The following PPM1L variants were observed in gnomAD, a reference collection of about 807,000 sequenced individuals.
The protein encoded by PPM1L is protein phosphatase, Mg2+/Mn2+ dependent 1L.
In PPM1L, 13 loss-of-function variants were observed where a neutral mutation model predicts 31.4. The ratio of observed to expected loss-of-function variants is 0.41; its 90% CI spans 0.27 to 0.66. PPM1L has a LOEUF of 0.66. PPM1L is among the 30% of genes least tolerant of loss of function. The pLI is 0.29. For missense variants in PPM1L, 326 were observed against 453.7 expected (o/e 0.72, Z 2.56); for synonymous variants, 184 against 175.4 (o/e 1.05, Z -0.39).
At chr3:161,003,159 C>T (rs1420239812) in intron 2 of PPM1L, among the ~76,000 whole-genome samples, 1 of 151,880 alleles carries the variant, frequency 6.6e-6, no homozygotes, top group Admixed American at 6.6e-5. Flanking sequence ...AGATAGGTGG[C>T]GTTATTTCTG....
intron 1 of PPM1L, among the ~76,000 whole-genome samples, chr3:160,776,337 ATG>A: frequency 6.6e-6 from 1 of 151,872 alleles, no homozygotes; most frequent in East Asian, 1.9e-4. Context: ...GTGTGTGTGT[ATG>A]TGTGTTTACT....
At chr3:160,916,988 G>A (rs979092505) in intron 1 of PPM1L, among the ~76,000 whole-genome samples, 3 of 152,254 alleles carry the variant, frequency 2.0e-5, no homozygotes, top group African/African-American at 7.2e-5. Flanking sequence ...GCTATTTTAT[G>A]CATTGTTCCA....
At chr3:160,803,453 G>A (rs1175392164) in intron 1 of PPM1L, among the ~76,000 whole-genome samples, 3 of 129,254 alleles carry the variant, frequency 2.3e-5, no homozygotes, top group South Asian at 2.5e-4. Flanking sequence ...ATAAAACAAT[G>A]AAAAGTGTTC....
chr3:160,884,210 A>G (rs1712831113), intron 1 of PPM1L, among the ~76,000 whole-genome samples: 1 of 152,178 alleles, frequency 6.6e-6, no homozygotes, highest in Admixed American at 6.5e-5. Flanking sequence ...TAAGAGATAT[A>G]CAATGTGATT....
At chr3:160,966,411 T>A (rs543490146) in intron 2 of PPM1L, among the ~76,000 whole-genome samples, 1 of 152,256 alleles carries the variant, frequency 6.6e-6, no homozygotes, top group South Asian at 2.1e-4. Context: ...GTAGTTGATA[T>A]CTGGTAGTTT....
rs1249123664 is a variant in PPM1L at position 161,077,840 on chromosome 3, T to A, written c.*8683T>A. On this transcript the variant is annotated 3_prime_UTR_variant, in exon 4 of 4. Coordinates refer to ENST00000498165, the MANE Select transcript of PPM1L (RefSeq NM_139245.4). ...TTCTGTATGGCAAAGAAAAACTAAA[T>A]CCCAGACTTTTATTTTTAACCACAG... The A allele has an allele frequency of 1.3e-5, 2 of 151,970 alleles. No individual in the cohort carries two copies. The highest frequency in any genetic ancestry group is 4.8e-5 in the African/African-American group (2 of 41,444). 9.4% of individuals were successfully genotyped at this position (151,970 alleles called of 1,614,324 possible).
chr3:160,776,387 G>A (rs548309103), intron 1 of PPM1L, among the ~76,000 whole-genome samples: 8 of 152,018 alleles, frequency 5.3e-5, no homozygotes, highest in Non-Finnish European at 1.0e-4. Flanking sequence ...AGAGAAAGAT[G>A]GTCTCATAGG....
chr3:160,979,224 T>C (rs955846835), intron 2 of PPM1L, among the ~76,000 whole-genome samples: 1 of 151,992 alleles, frequency 6.6e-6, no homozygotes, highest in African/African-American at 2.4e-5. Context: ...TTGACAGTAA[T>C]TTGTATTCAT....
intron 1 of PPM1L, among the ~76,000 whole-genome samples, chr3:160,797,249 G>C (rs1462437276): frequency 6.6e-6 from 1 of 152,068 alleles, no homozygotes; most frequent in Non-Finnish European, 1.5e-5. Flanking sequence ...TTTCTGGTCA[G>C]TGATACTTGA....
intron 2 of PPM1L, among the ~76,000 whole-genome samples, chr3:160,981,661 TGC>T (rs1411055312): frequency 1.3e-5 from 2 of 152,100 alleles, no homozygotes; most frequent in Non-Finnish European, 1.5e-5. Context: ...TAGGGTGTAT[TGC>T]AAAAATATCT....
chr3:160,827,189 A>G (rs574366503), intron 1 of PPM1L, among the ~76,000 whole-genome samples: 1 of 152,174 alleles, frequency 6.6e-6, no homozygotes, highest in South Asian at 2.1e-4. Flanking sequence ...ACCAGAGACT[A>G]ATGTTGCTGA....
intron 1 of PPM1L, among the ~76,000 whole-genome samples, chr3:160,940,042 C>T (rs1461243313): frequency 6.6e-6 from 1 of 152,142 alleles, no homozygotes; most frequent in African/African-American, 2.4e-5. Flanking sequence ...TTGCTGGGAA[C>T]TGGAGCAAAG....
At chr3:160,865,648 G>A (rs746780067) in intron 1 of PPM1L, among the ~76,000 whole-genome samples, 7 of 152,108 alleles carry the variant, frequency 4.6e-5, no homozygotes, top group South Asian at 2.1e-4. Context: ...GGTGGCGTGC[G>A]CCTGTAGTCC....
At chr3:160,765,890 A>AT (rs1251204175) in intron 1 of PPM1L, among the ~76,000 whole-genome samples, 1 of 151,924 alleles carries the variant, frequency 6.6e-6, no homozygotes, top group African/African-American at 2.4e-5. Flanking sequence ...AGCAAATATC[A>AT]TTTTCTCATT....
At chr3:160,903,957 T>G (rs1310323079) in intron 1 of PPM1L, among the ~76,000 whole-genome samples, 6 of 152,186 alleles carry the variant, frequency 3.9e-5, no homozygotes, top group Non-Finnish European at 8.8e-5. Flanking sequence ...CATCCTTCCA[T>G]CCATTTATCC....
intron 1 of PPM1L, among the ~76,000 whole-genome samples, chr3:160,921,100 C>T (rs1714386949): frequency 6.6e-6 from 1 of 152,130 alleles, no homozygotes; most frequent in Admixed American, 6.5e-5. Context: ...TAGGCAATTC[C>T]TGCTTTTCAC....
intron 2 of PPM1L, among the ~76,000 whole-genome samples, chr3:161,048,558 G>T (rs555589559): frequency 2.0e-5 from 3 of 152,258 alleles, no homozygotes; most frequent in South Asian, 2.1e-4. Flanking sequence ...AATACCATTT[G>T]ACCCAGCCAT....
At chr3:160,759,381 C>T (rs115642583) in intron 1 of PPM1L, among the ~76,000 whole-genome samples, 2,510 of 152,240 alleles carry the variant, frequency 0.016, 64 homozygotes, top group African/African-American at 0.057. Context: ...TATCCTTGTA[C>T]ATCCATTTCA....
intron 1 of PPM1L, among the ~76,000 whole-genome samples, chr3:160,894,415 T>C (rs1713266260): frequency 6.6e-6 from 1 of 152,198 alleles, no homozygotes. Context: ...GTTTTTGAAG[T>C]ATGCAAGTTT....
Sources: allele counts gnomAD v4.1 joint callset (sites outside exome capture counted in the v4.1 genomes callset), GRCh38; gene constraint gnomAD v4.1.1; transcripts MANE v1.5; gene names NCBI Gene and HGNC (gene_info 2026-07-23, HGNC 2026-07-21).